The following DDX59 variants were observed in gnomAD, a reference collection of about 807,000 sequenced individuals.
The protein encoded by DDX59 is probable ATP-dependent RNA helicase DDX59.
A neutral mutation model predicts 51.9 loss-of-function variants in DDX59; 30 were observed. The observed-to-expected ratio is 0.58, with a 90% confidence interval of 0.43 to 0.78. The LOEUF is 0.78. DDX59 is among the 30% of genes least tolerant of loss of function. The pLI is 0.00. For missense variants in DDX59, 672 were observed against 730.8 expected (o/e 0.92, Z 0.93); for synonymous variants, 255 against 253.3 (o/e 1.01, Z -0.06).
intron 3 of DDX59, 140 bp downstream of exon 3, chr1:200,663,779 A>C: frequency 1.1e-6 from 1 of 940,698 alleles, no homozygotes; most frequent in Non-Finnish European, 1.4e-6. Context: ...AAAAAAAAAA[A>C]AAAACCTAAG....
intron 4 of DDX59, chr1:200,654,473 A>G (rs930590948): frequency 6.6e-6 from 1 of 152,100 alleles, no homozygotes; most frequent in Admixed American, 6.6e-5. Context: ...CCTGGCTCCA[A>G]CTCACACCTA....
chr1:200,669,547 CA>C (rs1663022811), intron 1 of DDX59: 1 of 152,310 alleles, frequency 6.6e-6, no homozygotes, highest in African/African-American at 2.4e-5. Flanking sequence ...GCCTCCCACC[CA>C]CGCCCGGCGG....
rs1345946219 is a variant in DDX59, at chr1:200,659,094, C to T, written c.995G>A (p.Arg332Gln). Residue 332 changes from arginine to glutamine, a missense_variant, in exon 4 of 8, where the codon CGA becomes CAA. Physicochemically the swap from Arg to Gln is conservative, Grantham distance 43 (BLOSUM62 1). Transcript: ENST00000331314. ...GCTCTGCTTTATTATATCCAGAAGTCGCCCAGGGGTTGCTATGATAACCTA... is the reference window on the plus strand; with the variant it reads ...GCTCTGCTTTATTATATCCAGAAGTTGCCCAGGGGTTGCTATGATAACCTA... ...HVKVIIATPG[R>Q]LLDIIKQSSV... The T allele has an allele frequency of 9.3e-6, 15 of 1,613,380 alleles. No individual in the cohort carries two copies. Among genetic ancestry groups the T allele is most frequent in the African/African-American group, 1.3e-5 (1 of 74,866 alleles).
chr1:200,651,197 G>T (rs1179704981), intron 4 of DDX59, among the ~76,000 whole-genome samples: 1 of 151,692 alleles, frequency 6.6e-6, no homozygotes, highest in African/African-American at 2.4e-5. Flanking sequence ...TTTTTGCAAA[G>T]TTTGTTTTTT....
intron 5 of DDX59, 51 bp downstream of exon 5, chr1:200,650,373 TG>T (rs1571617418): frequency 6.5e-7 from 1 of 1,547,948 alleles, no homozygotes; most frequent in African/African-American, 1.4e-5. Context: ...TTAAGAGCTG[TG>T]AAAAATGCAA....
rs541357073 is a variant in DDX59, at chr1:200,653,531, T to C, written c.1063-2855A>G. Among the ~76,000 whole-genome samples the C allele has an allele frequency of 8.2e-4, 125 of 152,312 alleles. 1 individual carries two copies. The highest frequency in any genetic ancestry group is 7.2e-3 in the Admixed American group (110 of 15,294). ...ACCAATTCTCAAGCAACCAGATAGATTCTTCTAAAATATAAATCAGATCTT... is the reference window on the plus strand; with the variant it reads ...ACCAATTCTCAAGCAACCAGATAGACTCTTCTAAAATATAAATCAGATCTT... On this transcript the variant is annotated intron_variant, in intron 4 of 7. Transcript: ENST00000331314.
At position 200,644,163 on chromosome 1, in the gene DDX59, T is replaced by G; in HGVS notation, c.*91A>C. On this transcript the variant is annotated 3_prime_UTR_variant, in exon 8 of 8. Coordinates refer to ENST00000331314, the MANE Select transcript of DDX59 (RefSeq NM_001031725.6). ...TATTAAATTAAAAATATCTTAAAAT[T>G]TTTAAAATTCATGTACATTTCCATT... The G allele has an allele frequency of 9.7e-7, 1 of 1,028,832 alleles. No individual in the cohort carries two copies. Among genetic ancestry groups the G allele is most frequent in the Non-Finnish European group, 1.3e-6 (1 of 799,010 alleles). The allele number at this position is 1,028,832 out of a possible 1,614,324, so 63.7% of individuals were successfully genotyped here.
At chr1:200,650,796 C>T (rs1004006423) in intron 4 of DDX59, 120 bp from the exon 5 acceptor site, 1 of 883,808 alleles carries the variant, frequency 1.1e-6, no homozygotes, top group Non-Finnish European at 1.6e-6. Flanking sequence ...AAAACTATAC[C>T]ACAATGTCAA....
At chr1:200,643,534 T>C (rs1379583441), downstream of DDX59, among the ~76,000 whole-genome samples, 2 of 151,902 alleles carry the variant, frequency 1.3e-5, no homozygotes, top group African/African-American at 2.4e-5. Context: ...TTCCAGCTAC[T>C]TGGGAGGCTG....
chr1:200,646,387 C>T (rs1451668680), intron 7 of DDX59, among the ~76,000 whole-genome samples: 1 of 151,950 alleles, frequency 6.6e-6, no homozygotes, highest in Non-Finnish European at 1.5e-5. Context: ...TTTGGCAAGT[C>T]TTCTAGAGTA....
At chr1:200,644,613 TGGC>T in intron 7 of DDX59, 96 bp from the exon 8 acceptor site, 1 of 1,428,576 alleles carries the variant, frequency 7.0e-7, no homozygotes, top group Non-Finnish European at 9.2e-7. Flanking sequence ...GTAGCATTAC[TGGC>T]TGGGTGCAGT....
intron 7 of DDX59, among the ~76,000 whole-genome samples, chr1:200,648,042 G>A (rs1174311550): frequency 1.5e-5 from 2 of 130,716 alleles, no homozygotes; most frequent in Non-Finnish European, 3.3e-5. Flanking sequence ...GGGGGGGGGA[G>A]GGGGGAATGA....
At position 200,664,122 on chromosome 1, in the gene DDX59, G is replaced by A. The variant is rs1330923326; in HGVS notation, c.805-36C>T. ...GTGAAAAACAAGTTTAAAAACACCA[G>A]CAATTAATTCCTGCTGATATGAACT... is the stretch of plus-strand genomic sequence containing the variant. On this transcript the variant is annotated intron_variant, in intron 2 of 7. Coordinates refer to ENST00000331314, the MANE Select transcript of DDX59 (RefSeq NM_001031725.6). The A allele has an allele frequency of 2.5e-6, 4 of 1,594,756 alleles. No homozygotes were observed. The African/African-American group carries it at 5.4e-5, about 22-fold the overall frequency.
rs114787000 is a variant in DDX59, at chr1:200,666,355, A to C, written c.386T>G (p.Leu129Trp). Residue 129 changes from leucine to tryptophan, a missense_variant, in exon 2 of 8, where the codon TTG becomes TGG. Physicochemically the swap from Leu to Trp is moderately conservative, Grantham distance 61. Coordinates refer to ENST00000331314, the MANE Select transcript of DDX59 (RefSeq NM_001031725.6). The part of the protein sequence containing the change: ...CDKTDEDVCS[L>W]ECKAKHLLQV... ...TAGAAGATGTTTCGCTTTACACTCC[A>C]AACTACACACATCTTCATCTGTCTT... 8.4e-5 allele frequency: 136 copies of C among 1,614,166 alleles called. No individual in the cohort carries two copies. In the African/African-American group the frequency reaches 1.5e-3, roughly 18 times the overall value.
At chr1:200,658,929 A>G in intron 4 of DDX59, 98 bp downstream of exon 4, 1 of 1,038,264 alleles carries the variant, frequency 9.6e-7, no homozygotes, top group African/African-American at 1.6e-5. Context: ...TTTTTTTGAG[A>G]GAGAGAAAAG....
At chr1:200,649,023 G>A in intron 6 of DDX59, 51 bp downstream of exon 6, 1 of 1,464,612 alleles carries the variant, frequency 6.8e-7, no homozygotes, top group Non-Finnish European at 9.0e-7. Flanking sequence ...TCTTGAAAAT[G>A]AGGCAGAACA....
rs776788636 is a variant in DDX59 at position 200,644,294 on chromosome 1, T to A, written c.1820A>T (p.Asp607Val). The change falls in exon 8 of 8, where the codon GAT (aspartate) becomes GTT (valine). Residue 607 changes from aspartate (D) to valine (V), a missense_variant. Asp to Val is a radical substitution (Grantham distance 152). Transcript: ENST00000331314. ...ACTTTTATCATGTTTTCTGATAATA[T>A]CCATAAGATTAGCTCCTGTAACCAG... ...NDLVTGANLM[D>V]IIRKHDKSNS... 6.3e-7 allele frequency: 1 copy of A among 1,585,924 alleles called. No individual in the cohort carries two copies. Among genetic ancestry groups the A allele is most frequent in the Non-Finnish European group, 8.6e-7 (1 of 1,169,238 alleles).
At position 200,663,137 on chromosome 1, in the gene DDX59, CCT is replaced by C. The variant is rs373675234; in HGVS notation, c.972+780_972+781del. Among the ~76,000 whole-genome samples the C allele has an allele frequency of 5.3e-3, 810 of 152,292 alleles. 10 individuals are homozygous for C. The highest frequency in any genetic ancestry group is 0.018 in the African/African-American group (760 of 41,550). ...CCAGCTGGTACTGCTGCCCCAGCCC[CCT>C]GAGTGCCCTTCCCCAACTCCCTGCC... On this transcript the variant is annotated intron_variant, in intron 3 of 7. Coordinates refer to ENST00000331314, the MANE Select transcript of DDX59 (RefSeq NM_001031725.6).
rs573327160 is a variant in DDX59, at chr1:200,658,963, T to C, written c.1062+64A>G. On this transcript the variant is annotated intron_variant, in intron 4 of 7. Transcript: ENST00000331314. ...AGGTACTGAACATACAATGAAATTA[T>C]ATAACTATACTTTCCATAAATTGTG... 5.4e-3 allele frequency: 7,364 copies of C among 1,356,520 alleles called. 34 individuals carry two copies. The highest frequency in any genetic ancestry group is 6.8e-3 in the Non-Finnish European group (6,566 of 972,704). The allele number at this position is 1,356,520 out of a possible 1,614,324, so 84.0% of individuals were successfully genotyped here. A position where few individuals can be genotyped will look rare whatever the true frequency, so the allele number is the denominator to read the frequency against.
Sources: gnomAD v4.1 joint callset for allele counts (sites outside exome capture counted in the v4.1 genomes callset) on GRCh38, gnomAD v4.1.1 for gene constraint, MANE v1.5 for transcripts, NCBI Gene and HGNC (gene_info 2026-07-23, HGNC 2026-07-21) for gene names.